Variants in CEP112 observed in about 807,000 individuals in gnomAD.
CEP112 encodes the protein centrosomal protein 112, also known as centrosomal protein of 112 kDa.
A neutral mutation model predicts 153.0 loss-of-function variants in CEP112; 127 were observed. The observed-to-expected ratio is 0.83, with a 90% CI of 0.72 to 0.96. CEP112 has a LOEUF of 0.96. Among genes scored for constraint, CEP112 ranks in the 40% least tolerant of loss-of-function variants. The probability of loss-of-function intolerance (pLI) is 0.00; values close to 1 mark genes in which losing one functional copy is unlikely to be tolerated. For missense variants in CEP112, 1,089 were observed against 1,101.2 expected (o/e 0.99, Z 0.16); for synonymous variants, 358 against 374.4 (o/e 0.96, Z 0.51).
At chr17:65,994,807 T>C (rs1298912904) in intron 17 of CEP112, among the ~76,000 whole-genome samples, 2 of 152,162 alleles carry the variant, frequency 1.3e-5, no homozygotes, top group African/African-American at 4.8e-5. Context: ...TGTCAAGTGA[T>C]TACAATACTA....
intron 18 of CEP112, among the ~76,000 whole-genome samples, chr17:65,932,360 A>T (rs868656711): frequency 6.6e-6 from 1 of 152,204 alleles, no homozygotes; most frequent in South Asian, 2.1e-4. Flanking sequence ...TACAAAAAAA[A>T]TCAAGGAAAT....
At chr17:65,832,286 T>C (rs937984466) in intron 21 of CEP112, among the ~76,000 whole-genome samples, 3 of 151,704 alleles carry the variant, frequency 2.0e-5, no homozygotes, top group African/African-American at 4.8e-5. Context: ...CTGAAAGACT[T>C]AGAGAAGCAA....
intron 24 of CEP112, among the ~76,000 whole-genome samples, chr17:65,653,196 T>C (rs1443823994): frequency 2.0e-5 from 3 of 152,192 alleles, no homozygotes; most frequent in African/African-American, 7.2e-5. Context: ...GCAGTGTGCA[T>C]ATGAATTTTC....
chr17:66,048,459 T>C (rs1307571039), intron 12 of CEP112, among the ~76,000 whole-genome samples: 3 of 152,210 alleles, frequency 2.0e-5, no homozygotes, highest in Non-Finnish European at 4.4e-5. Flanking sequence ...TTAAATCTCT[T>C]ATCCTGCATT....
chr17:65,889,238 A>T (rs1290991011), intron 20 of CEP112, among the ~76,000 whole-genome samples: 1 of 151,886 alleles, frequency 6.6e-6, no homozygotes, highest in Non-Finnish European at 1.5e-5. Flanking sequence ...CTCGTTTTCC[A>T]CCTCTAAAAT....
chr17:65,771,617 A>T (rs2053359342), intron 21 of CEP112, among the ~76,000 whole-genome samples: 1 of 152,224 alleles, frequency 6.6e-6, no homozygotes, highest in Non-Finnish European at 1.5e-5. Flanking sequence ...TCTCATACAG[A>T]CTAAATGCTC....
intron 24 of CEP112, 79 bp from the exon 25 acceptor site, chr17:65,641,144 C>T: frequency 1.3e-6 from 1 of 760,210 alleles, no homozygotes; most frequent in South Asian, 1.5e-5. Flanking sequence ...CAGAACAGAT[C>T]TGTTCATCAC....
At chr17:65,637,639 C>T (rs1485375171) in intron 25 of CEP112, among the ~76,000 whole-genome samples, 1 of 152,218 alleles carries the variant, frequency 6.6e-6, no homozygotes, top group Admixed American at 6.5e-5. Context: ...TCCTTGCCTC[C>T]TAGCCCCAGG....
intron 20 of CEP112, among the ~76,000 whole-genome samples, chr17:65,891,076 G>A (rs532063414): frequency 3.3e-5 from 5 of 152,072 alleles, no homozygotes; most frequent in Non-Finnish European, 7.4e-5. Context: ...TATATACGTA[G>A]GTCCGGCATA....
chr17:65,649,644 A>C lies in CEP112; in HGVS notation c.2698-8579T>G, dbSNP rs149121844. 5.5e-3 allele frequency among the ~76,000 whole-genome samples: 824 copies of C among 150,758 alleles called. 8 individuals are homozygous for C. The highest frequency in any genetic ancestry group is 0.019 in the African/African-American group (770 of 40,898). On this transcript the variant is annotated intron_variant, in intron 24 of 26. Coordinates refer to ENST00000535342, the MANE Select transcript of CEP112 (RefSeq NM_001199165.4). ...TGAGGTGGGAGGGTCACTTGAGTCC[A>C]GGAGATCCAGGCTTCAGTGAGCTAT...
At position 66,091,285 on chromosome 17, in the gene CEP112, T is replaced by C. The variant is rs187109684; in HGVS notation, c.768+4966A>G. Among the ~76,000 whole-genome samples the C allele has an allele frequency of 8.1e-4, 123 of 152,276 alleles. 1 individual carries two copies. The highest frequency in any genetic ancestry group is 1.4e-3 in the Non-Finnish European group (95 of 67,974). On this transcript the variant is annotated intron_variant, in intron 8 of 26. Transcript: ENST00000535342. Reference sequence around the variant, plus strand: ...GAAATATTCTTCAGCATAGATCATATGTTAGTTCACAAAAGAAATCTTCAC... The same window carrying C: ...GAAATATTCTTCAGCATAGATCATACGTTAGTTCACAAAAGAAATCTTCAC...
Position 65,802,569 on chromosome 17 carries a change from C to A in CEP112, c.2394+49235G>T, listed in dbSNP as rs563125487. ...AACTGGGAGGCACGCTAGACTACTC[C>A]TTTATCTTCAATTCTTCACTAAAAC... On this transcript the variant is annotated intron_variant, in intron 21 of 26. Transcript: ENST00000535342. Among the ~76,000 whole-genome samples the A allele has an allele frequency of 1.2e-3, 182 of 152,246 alleles. 1 individual carries two copies. Among genetic ancestry groups the A allele is most frequent in the African/African-American group, 4.0e-3 (165 of 41,548 alleles).
chr17:66,038,110 AAAAAG>A (rs1555778645), intron 12 of CEP112, among the ~76,000 whole-genome samples: 1 of 120,658 alleles, frequency 8.3e-6, no homozygotes, highest in African/African-American at 3.3e-5. Context: ...CAAAAAAAAA[AAAAAG>A]AAAAGAAAAG....
At position 66,061,524 on chromosome 17, in the gene CEP112, G is replaced by A. The variant is rs1274285717; in HGVS notation, c.1074+1439C>T. 2.6e-5 allele frequency among the ~76,000 whole-genome samples: 4 copies of A among 151,572 alleles called. No homozygotes were observed. The Admixed American group carries it at 2.6e-4, about 10-fold the overall frequency. On this transcript the variant is annotated intron_variant, in intron 11 of 26. Coordinates refer to ENST00000535342, the MANE Select transcript of CEP112 (RefSeq NM_001199165.4). ...ACAATAGTCAAGATATGAAATCAATGTAAGTGCCCATCAAAGGATGAATGG... is the reference window on the plus strand; with the variant it reads ...ACAATAGTCAAGATATGAAATCAATATAAGTGCCCATCAAAGGATGAATGG...
intron 4 of CEP112, among the ~76,000 whole-genome samples, chr17:66,173,864 C>T (rs1035382098): frequency 6.6e-6 from 1 of 152,026 alleles, no homozygotes; most frequent in African/African-American, 2.4e-5. Context: ...TTTTTGCCTC[C>T]CCATTCTGTT....
intron 6 of CEP112, among the ~76,000 whole-genome samples, chr17:66,102,691 G>C (rs1211905010): frequency 6.6e-6 from 1 of 151,254 alleles, no homozygotes; most frequent in African/African-American, 2.4e-5. Context: ...CTAGCTACTC[G>C]GGAGGCTGAG....
At chr17:65,836,912 C>T (rs1338405785) in intron 21 of CEP112, among the ~76,000 whole-genome samples, 1 of 149,824 alleles carries the variant, frequency 6.7e-6, no homozygotes, top group Non-Finnish European at 1.5e-5. Flanking sequence ...GCCTGATTCT[C>T]CTGCCTCAGC....
At chr17:66,183,652 G>C (rs903576585) in intron 1 of CEP112, among the ~76,000 whole-genome samples, 1 of 152,060 alleles carries the variant, frequency 6.6e-6, no homozygotes, top group Non-Finnish European at 1.5e-5. Context: ...GAAAAGATTA[G>C]AGAGTCCAGA....
intron 16 of CEP112, among the ~76,000 whole-genome samples, chr17:66,022,931 A>G (rs950029860): frequency 1.3e-5 from 2 of 152,076 alleles, no homozygotes; most frequent in African/African-American, 4.8e-5. Context: ...TGAAAGCTTC[A>G]ACAATTGACT....
Sources: allele counts gnomAD v4.1 joint callset (sites outside exome capture counted in the v4.1 genomes callset), GRCh38; gene constraint gnomAD v4.1.1; transcripts MANE v1.5; gene names NCBI Gene and HGNC (gene_info 2026-07-23, HGNC 2026-07-21).